The following FHAD1 variants were observed in gnomAD, a reference collection of about 807,000 sequenced individuals.
FHAD1 encodes forkhead-associated domain-containing protein 1.
In FHAD1, 146 loss-of-function variants were observed where a neutral mutation model predicts 191.3. That is an observed-to-expected ratio of 0.76 (90% CI 0.67 to 0.88). FHAD1 has a LOEUF of 0.88. Among genes scored for constraint, FHAD1 ranks in the 40% least tolerant of loss-of-function variants. FHAD1 has a pLI of 0.00. For synonymous variants in FHAD1, 616 were observed against 672.3 expected (o/e 0.92, Z 1.29); for missense variants, 1,635 against 1,785.8 (o/e 0.92, Z 1.52).
At chr1:15,354,150 G>A (rs1691898371) in intron 20 of FHAD1, among the ~76,000 whole-genome samples, 1 of 152,158 alleles carries the variant, frequency 6.6e-6, no homozygotes, top group Admixed American at 6.5e-5. Flanking sequence ...TTCAAAGAAA[G>A]GTTTGCAAAC....
intron 3 of FHAD1, among the ~76,000 whole-genome samples, chr1:15,279,554 C>CAA (rs57662759): frequency 0.29 from 28,266 of 96,550 alleles, 4,416 homozygotes; most frequent in Non-Finnish European, 0.37. Flanking sequence ...CCTTAAAACT[C>CAA]AAAAAAAAAA....
intron 22 of FHAD1, 42 bp downstream of exon 22, chr1:15,360,745 C>G: frequency 7.3e-6 from 11 of 1,512,860 alleles, no homozygotes; most frequent in Non-Finnish European, 9.9e-6. Flanking sequence ...GTGTTCGGGG[C>G]AGGTTCTGAT....
intron 20 of FHAD1, among the ~76,000 whole-genome samples, chr1:15,353,578 G>A (rs1249719133): frequency 2.0e-5 from 3 of 151,736 alleles, no homozygotes; most frequent in Non-Finnish European, 2.9e-5. Flanking sequence ...GGTGGCACGC[G>A]CCTGTAATCC....
At chr1:15,360,118 AAACAAC>A (rs370553297) in intron 21 of FHAD1, among the ~76,000 whole-genome samples, 2 of 152,196 alleles carry the variant, frequency 1.3e-5, no homozygotes, top group Non-Finnish European at 2.9e-5. Context: ...GTCTCAAAAC[AAACAAC>A]AACAACAACA....
intron 2 of FHAD1, among the ~76,000 whole-genome samples, chr1:15,256,424 G>A (rs1052194919): frequency 2.0e-5 from 3 of 151,974 alleles, no homozygotes; most frequent in Non-Finnish European, 4.4e-5. Context: ...AGGCCGAGGC[G>A]GGCGGATCAC....
chr1:15,243,158 A>T (rs143220194), upstream of FHAD1, among the ~76,000 whole-genome samples: 3 of 152,218 alleles, frequency 2.0e-5, no homozygotes, highest in Non-Finnish European at 4.4e-5. Context: ...ACGAAGCTCC[A>T]TATTTTCTCA....
intron 3 of FHAD1, among the ~76,000 whole-genome samples, chr1:15,275,478 C>T (rs1478841237): frequency 1.3e-5 from 2 of 152,150 alleles, no homozygotes; most frequent in Non-Finnish European, 2.9e-5. Flanking sequence ...GACCCCCTGT[C>T]CGCCTCCACC....
intron 20 of FHAD1, among the ~76,000 whole-genome samples, chr1:15,355,389 C>T (rs974818415): frequency 6.6e-6 from 1 of 152,104 alleles, no homozygotes; most frequent in African/African-American, 2.4e-5. Context: ...TATCTGTACA[C>T]TCGGAAGAGC....
At chr1:15,380,946 G>T (rs935957317) in intron 29 of FHAD1, 150 bp downstream of exon 29, 2 of 655,526 alleles carry the variant, frequency 3.1e-6, no homozygotes, top group African/African-American at 3.6e-5. Context: ...CCCAGCATGG[G>T]TCAGGAATCA....
At position 15,355,042 on chromosome 1, in the gene FHAD1, C is replaced by T. The variant is rs551096334; in HGVS notation, c.2562+2058C>T. Among the ~76,000 whole-genome samples the T allele has an allele frequency of 3.9e-5, 6 of 152,268 alleles. No individual in the cohort carries two copies. The South Asian group carries it at 1.0e-3, about 26-fold the overall frequency. ...TGACCAACATGGTGAAACCCCGTCT[C>T]TACTGAAAATACAAAAATTAGCCAG... On this transcript the variant is annotated intron_variant, in intron 20 of 33. Transcript: ENST00000688493.
intron 26 of FHAD1, among the ~76,000 whole-genome samples, chr1:15,373,758 G>A (rs916220497): frequency 7.2e-5 from 11 of 152,112 alleles, no homozygotes; most frequent in Non-Finnish European, 1.5e-4. Flanking sequence ...GAGCTGGAAG[G>A]ATCGCTTGAG....
chr1:15,383,639 A>C, intron 31 of FHAD1: 1 of 303,514 alleles, frequency 3.3e-6, no homozygotes, highest in Non-Finnish European at 6.6e-6. Context: ...CCTAAGGTGG[A>C]GCAGATCCCA....
Position 15,313,183 on chromosome 1 carries a change from C to G in FHAD1, c.1166C>G (p.Ser389Cys). The part of the protein sequence containing the change: ...DKDHQLEALG[S>C]RCSVLKEELK... Reference sequence around the variant, plus strand: ...GACCACCAGCTGGAAGCCCTTGGCTCTAGAGTGAGTAAGGATGACTGCGTC... The same window carrying G: ...GACCACCAGCTGGAAGCCCTTGGCTGTAGAGTGAGTAAGGATGACTGCGTC... Residue 389 changes from serine (S) to cysteine (C), a missense_variant, in exon 8 of 34, where the codon TCT becomes TGT. Ser to Cys is a moderately radical substitution (Grantham distance 112). Transcript: ENST00000688493. 6.4e-7 allele frequency: 1 copy of G among 1,551,898 alleles called. No individual in the cohort carries two copies. The highest frequency in any genetic ancestry group is 8.7e-7 in the Non-Finnish European group (1 of 1,147,030).
intron 18 of FHAD1, among the ~76,000 whole-genome samples, chr1:15,348,123 G>A (rs1025602360): frequency 3.3e-5 from 5 of 152,224 alleles, no homozygotes; most frequent in African/African-American, 1.2e-4. Context: ...AAATTCTTAT[G>A]ATGTCACTTT....
chr1:15,268,338 T>G (rs1654486044), intron 2 of FHAD1, among the ~76,000 whole-genome samples: 1 of 151,990 alleles, frequency 6.6e-6, no homozygotes, highest in Admixed American at 6.6e-5. Context: ...TCATTTTTTA[T>G]GGCTGCATAG....
chr1:15,357,490 GCGT>G (rs1693212679), intron 20 of FHAD1, among the ~76,000 whole-genome samples: 4 of 152,160 alleles, frequency 2.6e-5, no homozygotes, highest in Admixed American at 6.5e-5. Flanking sequence ...GGGTGTGGTA[GCGT>G]GTGCCTGTAG....
intron 3 of FHAD1, among the ~76,000 whole-genome samples, chr1:15,278,475 C>CTTTTTTTTTTTTTTTTTTTTTTT (rs34110532): frequency 8.0e-6 from 1 of 124,330 alleles, no homozygotes; most frequent in African/African-American, 3.3e-5. Flanking sequence ...TTCATTACCT[C>CTTTTTTTTTTTTTTTTTTTTTTT]TTTTTTTTTT....
At chr1:15,336,639 T>C (rs988849672) in intron 14 of FHAD1, among the ~76,000 whole-genome samples, 2 of 152,224 alleles carry the variant, frequency 1.3e-5, no homozygotes, top group African/African-American at 4.8e-5. Flanking sequence ...TTCTCTGGAA[T>C]CCATCGCTTC....
rs369784159 is a variant in FHAD1 at position 15,340,283 on chromosome 1, T to C, written c.1977+732T>C. Among the ~76,000 whole-genome samples the C allele has an allele frequency of 3.2e-4, 48 of 152,362 alleles. No individual in the cohort carries two copies. The South Asian group carries it at 9.9e-3, about 32-fold the overall frequency. On this transcript the variant is annotated intron_variant, in intron 15 of 33. Transcript: ENST00000688493. ...ATTCTGATAGCTATTGCCATAATAG[T>C]ATTATATAATAAACAACCACAAAAC...
Sources: gnomAD v4.1 joint callset for allele counts (sites outside exome capture counted in the v4.1 genomes callset) on GRCh38, gnomAD v4.1.1 for gene constraint, MANE v1.5 for transcripts, NCBI Gene and HGNC (gene_info 2026-07-23, HGNC 2026-07-21) for gene names.